Variants in ZNF385D observed in about 807,000 individuals in gnomAD.
ZNF385D encodes zinc finger protein 659.
Under a neutral mutation model 35.8 loss-of-function variants are expected in ZNF385D, and 15 were observed. That is an observed-to-expected ratio of 0.42 (90% CI 0.28 to 0.64). ZNF385D has a LOEUF of 0.64. ZNF385D is among the 30% of genes least tolerant of loss of function. The pLI is 0.23. For missense variants in ZNF385D, 474 were observed against 494.6 expected (o/e 0.96, Z 0.39); for synonymous variants, 212 against 186.8 (o/e 1.13, Z -1.10).
chr3:21,899,286 C>T (rs969717495), intron 3 of ZNF385D, among the ~76,000 whole-genome samples: 1 of 152,074 alleles, frequency 6.6e-6, no homozygotes, highest in African/African-American at 2.4e-5. Flanking sequence ...ATTTAGCTCA[C>T]CCTCCCTGGT....
chr3:21,619,193 A>T (rs778094042), intron 2 of ZNF385D, among the ~76,000 whole-genome samples: 2 of 152,148 alleles, frequency 1.3e-5, no homozygotes, highest in South Asian at 4.1e-4. Flanking sequence ...TTCTTATCCC[A>T]TAAGTATACC....
intron 2 of ZNF385D, among the ~76,000 whole-genome samples, chr3:22,280,036 T>G (rs553558315): frequency 7.6e-4 from 116 of 152,278 alleles, no homozygotes; most frequent in Non-Finnish European, 9.8e-4. Context: ...TGATCGTTAG[T>G]GATGTTGAAC....
intron 2 of ZNF385D, among the ~76,000 whole-genome samples, chr3:22,215,009 C>CT (rs1697775005): frequency 6.6e-6 from 1 of 151,942 alleles, no homozygotes; most frequent in South Asian, 2.1e-4. Context: ...CATGTGATGT[C>CT]TCCCCCAGAC....
At chr3:22,043,083 A>AT (rs36005784) in intron 3 of ZNF385D, among the ~76,000 whole-genome samples, 15,885 of 152,116 alleles carry the variant, frequency 0.1, 1,087 homozygotes, top group South Asian at 0.25. Context: ...ATTCCTTGAC[A>AT]TTTTTTCCAC....
chr3:21,567,704 G>A (rs112679405), intron 2 of ZNF385D, among the ~76,000 whole-genome samples: 2 of 152,106 alleles, frequency 1.3e-5, no homozygotes, highest in African/African-American at 4.8e-5. Flanking sequence ...AACCCATTAA[G>A]GAATATTGAA....
intron 2 of ZNF385D, among the ~76,000 whole-genome samples, chr3:22,318,036 C>T (rs1196596463): frequency 2.0e-5 from 3 of 149,502 alleles, no homozygotes; most frequent in Non-Finnish European, 3.0e-5. Context: ...CCAGCCTGGG[C>T]GACAGAGTGA....
intron 3 of ZNF385D, among the ~76,000 whole-genome samples, chr3:21,559,058 C>T (rs1014289852): frequency 7.5e-5 from 11 of 145,722 alleles, no homozygotes; most frequent in Admixed American, 3.5e-4. Flanking sequence ...TGAGCTTATG[C>T]GTGTTTTTAC....
chr3:22,230,580 C>G (rs557722721), intron 2 of ZNF385D, among the ~76,000 whole-genome samples: 1 of 152,242 alleles, frequency 6.6e-6, no homozygotes, highest in East Asian at 1.9e-4. Context: ...TAAGCACAAC[C>G]AGTTACTACC....
At chr3:21,772,515 A>G (rs2071119778) in intron 3 of ZNF385D, among the ~76,000 whole-genome samples, 1 of 151,988 alleles carries the variant, frequency 6.6e-6, no homozygotes, top group African/African-American at 2.4e-5. Context: ...CATCAAAACA[A>G]AATGAGATAT....
At chr3:21,911,586 C>G (rs928716677) in intron 3 of ZNF385D, among the ~76,000 whole-genome samples, 1 of 152,028 alleles carries the variant, frequency 6.6e-6, no homozygotes, top group South Asian at 2.1e-4. Flanking sequence ...TCATATATCA[C>G]TTGACTGAAT....
At chr3:21,522,506 A>C (rs1238742993) in intron 3 of ZNF385D, among the ~76,000 whole-genome samples, 2 of 151,892 alleles carry the variant, frequency 1.3e-5, no homozygotes, top group South Asian at 4.2e-4. Context: ...CACCCAGCTA[A>C]TTATTGTATT....
intron 3 of ZNF385D, among the ~76,000 whole-genome samples, chr3:21,853,579 A>G (rs997995959): frequency 1.7e-4 from 26 of 151,166 alleles, no homozygotes; most frequent in Non-Finnish European, 3.3e-4. Flanking sequence ...AATTGTGGGG[A>G]AAAAAATGAA....
At chr3:22,299,906 T>G (rs780803591) in intron 2 of ZNF385D, among the ~76,000 whole-genome samples, 3 of 151,912 alleles carry the variant, frequency 2.0e-5, no homozygotes, top group African/African-American at 4.8e-5. Flanking sequence ...ATCTACAAAT[T>G]TAATGCAATA....
intron 2 of ZNF385D, among the ~76,000 whole-genome samples, chr3:22,263,473 G>A (rs191273651): frequency 1.3e-5 from 2 of 151,978 alleles, no homozygotes; most frequent in African/African-American, 2.4e-5. Context: ...ATAGTGCTCT[G>A]CTTCCTTGAT....
At chr3:21,869,438 A>G (rs972067483) in intron 3 of ZNF385D, among the ~76,000 whole-genome samples, 1 of 152,112 alleles carries the variant, frequency 6.6e-6, no homozygotes, top group African/African-American at 2.4e-5. Context: ...CATCTTTCCT[A>G]AAGTGGGAAT....
intron 3 of ZNF385D, among the ~76,000 whole-genome samples, chr3:21,760,967 G>A (rs1482572353): frequency 2.6e-5 from 4 of 152,182 alleles, no homozygotes; most frequent in Admixed American, 1.3e-4. Flanking sequence ...AAATGACTGA[G>A]TGTGACTTTA....
chr3:21,715,075 C>T (rs2068261549), intron 1 of ZNF385D, among the ~76,000 whole-genome samples: 1 of 151,934 alleles, frequency 6.6e-6, no homozygotes, highest in South Asian at 2.1e-4. Context: ...TACATATTTG[C>T]TATTTTTTTT....
intron 3 of ZNF385D, among the ~76,000 whole-genome samples, chr3:21,833,514 G>C (rs1235201299): frequency 1.3e-5 from 2 of 152,092 alleles, no homozygotes; most frequent in Non-Finnish European, 2.9e-5. Context: ...GCCAGGAGTG[G>C]TTTTCCCATA....
At chr3:22,197,942 G>A (rs149949937) in intron 2 of ZNF385D, among the ~76,000 whole-genome samples, 367 of 152,190 alleles carry the variant, frequency 2.4e-3, no homozygotes, top group African/African-American at 8.2e-3. Context: ...GCTGTGTGGA[G>A]GGAAGACTGG....
Sources: gnomAD v4.1 joint callset for allele counts (sites outside exome capture counted in the v4.1 genomes callset) on GRCh38, gnomAD v4.1.1 for gene constraint, MANE v1.5 for transcripts, NCBI Gene and HGNC (gene_info 2026-07-23, HGNC 2026-07-21) for gene names.